The following GPHN variants were observed in gnomAD, a reference collection of about 807,000 sequenced individuals.
GPHN encodes the protein gephyrin.
In GPHN, 17 loss-of-function variants were observed where a neutral mutation model predicts 95.5. The ratio of observed to expected loss-of-function variants is 0.18; its 90% CI spans 0.12 to 0.27. The LOEUF is 0.27. Ranked by LOEUF, GPHN falls within the 10% of genes least tolerant of loss-of-function variation. GPHN has a pLI of 1.00. For missense variants in GPHN, 660 were observed against 978.1 expected, an observed-to-expected ratio of 0.67 and a Z score of 4.34; for synonymous variants, 320 against 322.5, an observed-to-expected ratio of 0.99 and a Z score of 0.08.
the GPHN span, chr14:67,223,840 A>G: frequency 2.0e-6 from 2 of 985,454 alleles, no homozygotes; most frequent in East Asian, 1.1e-4. Context: ...CCTTCCATAC[A>G]CTTTTACTCT....
At chr14:66,584,751 G>A (rs143843195) in intron 1 of GPHN, among the ~76,000 whole-genome samples, 3 of 152,108 alleles carry the variant, frequency 2.0e-5, no homozygotes, top group Non-Finnish European at 2.9e-5. Context: ...CTTGATCATG[G>A]TGGATAAGCT....
intron 1 of GPHN, among the ~76,000 whole-genome samples, chr14:66,528,580 T>A (rs2058784200): frequency 6.6e-6 from 1 of 152,246 alleles, no homozygotes; most frequent in Admixed American, 6.5e-5. Flanking sequence ...CAATTTGGTG[T>A]GTTTTTGCAG....
At chr14:67,655,520 C>G in the GPHN span, among the ~76,000 whole-genome samples, 1 of 151,114 alleles carries the variant, frequency 6.6e-6, no homozygotes, top group Non-Finnish European at 1.5e-5. Context: ...CATTTTTTTC[C>G]CTATTACTTT....
the GPHN span, among the ~76,000 whole-genome samples, chr14:67,258,308 G>C: frequency 2.6e-5 from 4 of 152,196 alleles, no homozygotes; most frequent in South Asian, 8.3e-4. Flanking sequence ...CCCAAGGCAG[G>C]TGGATCGCAT....
At chr14:66,701,817 C>T (rs1278808189) in intron 2 of GPHN, among the ~76,000 whole-genome samples, 2 of 152,206 alleles carry the variant, frequency 1.3e-5, no homozygotes, top group African/African-American at 2.4e-5. Flanking sequence ...TGGCTGCCTA[C>T]TGTCTAAGCC....
intron 2 of GPHN, among the ~76,000 whole-genome samples, chr14:66,729,616 A>G (rs1314084854): frequency 6.6e-6 from 1 of 152,242 alleles, no homozygotes; most frequent in Non-Finnish European, 1.5e-5. Context: ...TCACAATTAC[A>G]TAAAATTGTC....
chr14:67,687,179 T>A, the GPHN span, among the ~76,000 whole-genome samples: 2 of 152,166 alleles, frequency 1.3e-5, no homozygotes, highest in East Asian at 3.8e-4. Context: ...CAAACTACCC[T>A]CATTTCTCAC....
the GPHN span, chr14:67,343,429 CA>C: frequency 6.2e-7 from 1 of 1,603,844 alleles, no homozygotes; most frequent in Non-Finnish European, 8.5e-7. Flanking sequence ...TCCAAAGTAA[CA>C]AAAGAAGTCT....
the GPHN span, chr14:67,653,547 G>A: frequency 6.6e-7 from 1 of 1,522,452 alleles, no homozygotes; most frequent in Non-Finnish European, 9.1e-7. Context: ...AGTATACTCT[G>A]TACAATTGAA....
the GPHN span, among the ~76,000 whole-genome samples, chr14:67,377,541 C>CT: frequency 2.6e-5 from 4 of 152,194 alleles, no homozygotes; most frequent in African/African-American, 7.2e-5. Flanking sequence ...TCTCAACAAA[C>CT]TTACATATCT....
At chr14:66,981,653 A>G (rs780323767) in intron 9 of GPHN, among the ~76,000 whole-genome samples, 3 of 152,212 alleles carry the variant, frequency 2.0e-5, no homozygotes, top group Non-Finnish European at 4.4e-5. Flanking sequence ...TATTAGTCTC[A>G]GAATAGTTCT....
intron 9 of GPHN, among the ~76,000 whole-genome samples, chr14:66,973,995 G>T (rs2070016118): frequency 6.6e-6 from 1 of 152,112 alleles, no homozygotes; most frequent in African/African-American, 2.4e-5. Context: ...AGACCCTCCA[G>T]ACTATTTTAC....
At chr14:66,902,492 A>T (rs953302841) in intron 5 of GPHN, among the ~76,000 whole-genome samples, 1 of 152,044 alleles carries the variant, frequency 6.6e-6, no homozygotes. Flanking sequence ...GTATGCTAGT[A>T]ACTGTGGGTT....
intron 9 of GPHN, among the ~76,000 whole-genome samples, chr14:66,992,984 C>G (rs1017720544): frequency 6.6e-6 from 1 of 152,068 alleles, no homozygotes; most frequent in Admixed American, 6.6e-5. Flanking sequence ...TCTATTTAAA[C>G]AGAAATGTTT....
At chr14:67,309,281 T>C in the GPHN span, among the ~76,000 whole-genome samples, 1 of 152,138 alleles carries the variant, frequency 6.6e-6, no homozygotes, top group Non-Finnish European at 1.5e-5. Flanking sequence ...CTTCTAGAAC[T>C]GGTAAGAATT....
chr14:66,514,425 T>C (rs1649804638), intron 1 of GPHN, among the ~76,000 whole-genome samples: 2 of 152,212 alleles, frequency 1.3e-5, no homozygotes, highest in African/African-American at 4.8e-5. Flanking sequence ...TAACCTTCAG[T>C]ATATTGTGTA....
chr14:67,489,773 G>A, the GPHN span, among the ~76,000 whole-genome samples: 16 of 152,228 alleles, frequency 1.1e-4, no homozygotes, highest in Middle Eastern at 3.4e-3. Context: ...GGCGGATCAC[G>A]AGGTCAGGAG....
At chr14:66,653,867 A>G (rs1595416953) in intron 1 of GPHN, among the ~76,000 whole-genome samples, 1 of 152,348 alleles carries the variant, frequency 6.6e-6, no homozygotes, top group Non-Finnish European at 1.5e-5. Flanking sequence ...GGGTAAATAC[A>G]AAACTACTGT....
chr14:67,681,521 G>A, the GPHN span, among the ~76,000 whole-genome samples: 2 of 152,160 alleles, frequency 1.3e-5, no homozygotes, highest in African/African-American at 2.4e-5. Flanking sequence ...GGTGGCTCAT[G>A]CCTATAATCC....
Sources: gnomAD v4.1 joint callset for allele counts (sites outside exome capture counted in the v4.1 genomes callset) on GRCh38, gnomAD v4.1.1 for gene constraint, MANE v1.5 for transcripts, NCBI Gene and HGNC (gene_info 2026-07-23, HGNC 2026-07-21) for gene names.